GFOD1: variants seen among roughly 807,000 people sequenced by gnomAD.
The protein encoded by GFOD1 is Gfo/Idh/MocA-like oxidoreductase domain containing 1.
GFOD1 carries 9 observed loss-of-function variants against 25.4 expected under a neutral mutation model. The observed-to-expected ratio is 0.35, with a 90% confidence interval of 0.21 to 0.62. The LOEUF is 0.62. Ranked by LOEUF, GFOD1 falls within the 20% of genes least tolerant of loss-of-function variation. GFOD1 has a pLI of 0.72. For missense variants in GFOD1, 403 were observed against 556.9 expected, an observed-to-expected ratio of 0.72 and a Z score of 2.78; for synonymous variants, 253 against 245.6, an observed-to-expected ratio of 1.03 and a Z score of -0.28.
At chr6:13,409,286 GAGGA>G (rs1217890863) in intron 1 of GFOD1, among the ~76,000 whole-genome samples, 1 of 122,232 alleles carries the variant, frequency 8.2e-6, no homozygotes, top group Non-Finnish European at 1.8e-5. Flanking sequence ...GAGAGACAGA[GAGGA>G]AGGAAGGAAG....
intron 1 of GFOD1, among the ~76,000 whole-genome samples, chr6:13,479,231 G>T (rs1357872731): frequency 6.6e-6 from 1 of 152,032 alleles, no homozygotes. Context: ...ACTGCATTAG[G>T]GCAAAGTAAA....
rs139203965 is a variant in GFOD1 at position 13,373,340 on chromosome 6, T to C, written c.254-7678A>G. Among the ~76,000 whole-genome samples the C allele has an allele frequency of 1.9e-4, 29 of 152,270 alleles. 1 individual carries two copies. In the East Asian group the frequency reaches 5.2e-3, roughly 27 times the overall value. On this transcript the variant is annotated intron_variant, in intron 1 of 1. Transcript: ENST00000379287. Reference sequence around the variant, plus strand: ...TTCATCATTCAGAGTTTGGTTCGGGTATAAAAAATGGTCTAAAATAAGATT... The same window carrying C: ...TTCATCATTCAGAGTTTGGTTCGGGCATAAAAAATGGTCTAAAATAAGATT...
chr6:13,417,177 G>A (rs79208324), intron 1 of GFOD1, among the ~76,000 whole-genome samples: 3 of 152,134 alleles, frequency 2.0e-5, no homozygotes, highest in Non-Finnish European at 2.9e-5. Flanking sequence ...CGGGGACTTC[G>A]GAGTCTCGCT....
intron 1 of GFOD1, among the ~76,000 whole-genome samples, chr6:13,438,630 T>C (rs1757868977): frequency 6.6e-6 from 1 of 152,170 alleles, no homozygotes; most frequent in African/African-American, 2.4e-5. Flanking sequence ...ATATATATTA[T>C]TTATATCATC....
At chr6:13,409,547 C>T (rs1747452574) in intron 1 of GFOD1, among the ~76,000 whole-genome samples, 1 of 152,096 alleles carries the variant, frequency 6.6e-6, no homozygotes, top group Non-Finnish European at 1.5e-5. Context: ...GATTTACAAG[C>T]AGAAATAATT....
At chr6:13,423,735 C>G (rs569295307) in intron 1 of GFOD1, among the ~76,000 whole-genome samples, 2 of 152,362 alleles carry the variant, frequency 1.3e-5, no homozygotes, top group South Asian at 4.1e-4. Flanking sequence ...CATGGCCCTA[C>G]ATGAAGTTCC....
chr6:13,469,896 T>A, intron 1 of GFOD1: 1 of 1,284,106 alleles, frequency 7.8e-7, no homozygotes, highest in Non-Finnish European at 1.0e-6. Flanking sequence ...ATCTGGCACA[T>A]GGTAAGTACT....
chr6:13,449,001 C>G (rs1259890155), intron 1 of GFOD1, among the ~76,000 whole-genome samples: 1 of 152,030 alleles, frequency 6.6e-6, no homozygotes, highest in East Asian at 1.9e-4. Context: ...AAGGGCTACT[C>G]AAAAAAACAA....
At chr6:13,400,788 T>A (rs1319226167) in intron 1 of GFOD1, among the ~76,000 whole-genome samples, 1 of 151,692 alleles carries the variant, frequency 6.6e-6, no homozygotes, top group African/African-American at 2.4e-5. Flanking sequence ...GACTAGAGAG[T>A]AAAGATGGTG....
At position 13,361,791 on chromosome 6, in the gene GFOD1, A is replaced by C. The variant is rs1272263843; in HGVS notation, c.*2952T>G. Reference sequence around the variant, plus strand: ...ATTTCAGTAGATAAAATTTGAGTACACACACTAAAATATTTTTTCATGCCT... The same window carrying C: ...ATTTCAGTAGATAAAATTTGAGTACCCACACTAAAATATTTTTTCATGCCT... On this transcript the variant is annotated 3_prime_UTR_variant, in exon 2 of 2. Coordinates refer to ENST00000379287, the MANE Select transcript of GFOD1 (RefSeq NM_018988.4). 6.6e-6 allele frequency: 1 copy of C among 152,182 alleles called. No individual in the cohort carries two copies. The highest frequency in any genetic ancestry group is 2.1e-4 in the South Asian group (1 of 4,828). 9.4% of individuals were successfully genotyped at this position (152,182 alleles called of 1,614,324 possible). A position where few individuals can be genotyped will look rare whatever the true frequency, so the allele number is the denominator to read the frequency against.
At chr6:13,476,675 T>C (rs1758630518) in intron 1 of GFOD1, among the ~76,000 whole-genome samples, 1 of 152,232 alleles carries the variant, frequency 6.6e-6, no homozygotes, top group Admixed American at 6.5e-5. Context: ...GAGTAATTTA[T>C]AGTTTCAGTT....
intron 1 of GFOD1, among the ~76,000 whole-genome samples, chr6:13,445,500 T>C (rs945761227): frequency 6.6e-6 from 1 of 152,184 alleles, no homozygotes; most frequent in Admixed American, 6.5e-5. Context: ...TGTTTCACAT[T>C]ATCCAGAGCC....
intron 1 of GFOD1, among the ~76,000 whole-genome samples, chr6:13,393,733 C>T: frequency 6.6e-6 from 1 of 151,018 alleles, no homozygotes; most frequent in East Asian, 1.9e-4. Flanking sequence ...GATATGGACT[C>T]TACAAAATAG....
At position 13,360,027 on chromosome 6, in the gene GFOD1, C is replaced by A. The variant is rs1214967655; in HGVS notation, c.*4716G>T. On this transcript the variant is annotated 3_prime_UTR_variant, in exon 2 of 2. Transcript: ENST00000379287. ...TCCAATGCAGGTCTAATTCCAACTT[C>A]TCTGCCACTAGCCACAGGACTTCAG... 1 of 152,176 alleles carries A rather than the reference C, an allele frequency of 6.6e-6. No individual in the cohort carries two copies. The highest frequency in any genetic ancestry group is 2.4e-5 in the African/African-American group (1 of 41,372). The allele number at this position is 152,176 out of a possible 1,614,324, so 9.4% of individuals were successfully genotyped here.
intron 1 of GFOD1, among the ~76,000 whole-genome samples, chr6:13,380,654 A>G (rs1396815490): frequency 6.6e-6 from 1 of 152,142 alleles, no homozygotes; most frequent in East Asian, 1.9e-4. Flanking sequence ...GCACTTAGCT[A>G]CACACATTAT....
intron 1 of GFOD1, among the ~76,000 whole-genome samples, chr6:13,372,110 C>T (rs567941372): frequency 3.7e-4 from 56 of 152,298 alleles, no homozygotes; most frequent in Middle Eastern, 6.8e-3. Context: ...GCAAATAAAG[C>T]GAAGCTATCT....
chr6:13,456,784 G>A (rs1427141319), intron 1 of GFOD1, among the ~76,000 whole-genome samples: 3 of 152,188 alleles, frequency 2.0e-5, no homozygotes. Context: ...TGGGAGCCAG[G>A]AGGTCTGAGC....
chr6:13,453,775 G>A (rs1758141180), intron 1 of GFOD1, among the ~76,000 whole-genome samples: 1 of 152,188 alleles, frequency 6.6e-6, no homozygotes, highest in Non-Finnish European at 1.5e-5. Context: ...ATGGAAACAA[G>A]ACAGGCAAGT....
chr6:13,401,632 T>A (rs1785846294), intron 1 of GFOD1, among the ~76,000 whole-genome samples: 1 of 152,076 alleles, frequency 6.6e-6, no homozygotes, highest in Non-Finnish European at 1.5e-5. Flanking sequence ...GTACAAAATA[T>A]GTACTATGAA....
Sources: gnomAD v4.1 joint callset for allele counts (sites outside exome capture counted in the v4.1 genomes callset) on GRCh38, gnomAD v4.1.1 for gene constraint, MANE v1.5 for transcripts, NCBI Gene and HGNC (gene_info 2026-07-23, HGNC 2026-07-21) for gene names.